MGAM2: variants seen among roughly 807,000 people sequenced by gnomAD.
MGAM2 encodes the protein maltase-glucoamylase 2 (putative).
Under a neutral mutation model 96.1 loss-of-function variants are expected in MGAM2, and 98 were observed. The ratio of observed to expected loss-of-function variants is 1.02; its 90% confidence interval spans 0.87 to 1.21. MGAM2 has a LOEUF of 1.21. Ranked by LOEUF, MGAM2 falls within the 50% of genes most tolerant of loss-of-function variation. The pLI, the probability that MGAM2 is intolerant of heterozygous loss-of-function variation, is 0.00. For synonymous variants in MGAM2, 749 were observed against 414.8 expected (o/e 1.81, Z -9.79); for missense variants, 2,055 against 1,182.4 (o/e 1.74, Z -10.82).
chr7:142,208,506 C>A (rs1459273001), intron 45 of MGAM2, 67 bp from the exon 46 acceptor site: 2 of 695,716 alleles, frequency 2.9e-6, no homozygotes, highest in Non-Finnish European at 5.2e-6. Context: ...TCTGACCACG[C>A]TCAAGATTAT....
chr7:142,197,109 T>C (rs562300325), intron 40 of MGAM2, among the ~76,000 whole-genome samples: 1 of 152,348 alleles, frequency 6.6e-6, no homozygotes, highest in African/African-American at 2.4e-5. Flanking sequence ...ATTTGTATTT[T>C]ACTCAAATTC....
chr7:142,189,302 G>T, intron 36 of MGAM2, 65 bp from the exon 37 acceptor site: 1 of 580,942 alleles, frequency 1.7e-6, no homozygotes, highest in South Asian at 2.1e-5. Context: ...ATGCCAAAAT[G>T]ATGGGCATTT....
chr7:142,159,209 A>C, intron 19 of MGAM2, 78 bp from the exon 20 acceptor site: 1 of 687,040 alleles, frequency 1.5e-6, no homozygotes, highest in Non-Finnish European at 2.7e-6. Context: ...AGATAGGCAC[A>C]TGTAATGATG....
chr7:142,172,086 C>T lies in MGAM2; in HGVS notation c.3352-12C>T, dbSNP rs766308280. ...GCATTTTCTTTTTGTTTATTACCCT[C>T]GTGACTCCCAGTACAAGAAGAATTC... On this transcript the variant is annotated splice_polypyrimidine_tract_variant and intron_variant, in intron 28 of 47. Coordinates refer to ENST00000477922, the MANE Select transcript of MGAM2 (RefSeq NM_001293626.2). 3.4e-5 allele frequency: 24 copies of T among 710,320 alleles called. No individual in the cohort carries two copies. Among genetic ancestry groups the T allele is most frequent in the South Asian group, 4.5e-5 (3 of 66,762 alleles). 44.0% of individuals were successfully genotyped at this position (710,320 alleles called of 1,614,324 possible).
At chr7:142,131,862 T>A in intron 5 of MGAM2, 69 bp from the exon 6 acceptor site, 1 of 638,494 alleles carries the variant, frequency 1.6e-6, no homozygotes, top group South Asian at 1.8e-5. Context: ...AGATGGAACA[T>A]CTTTTGTAGC....
In MGAM2 at chr7:142,221,470, CA is replaced by C. The variant is rs1797925453; in HGVS notation, c.6961del (p.Ser2321ValfsTer33). The C allele has an allele frequency of 6.9e-6, 4 of 575,786 alleles. No homozygotes were observed. Among genetic ancestry groups the C allele is most frequent in the African/African-American group, 1.9e-5 (1 of 53,562 alleles). The allele number at this position is 575,786 out of a possible 1,614,324, so 35.7% of individuals were successfully genotyped here. A position where few individuals can be genotyped will look rare whatever the true frequency, so the allele number is the denominator to read the frequency against. On this transcript the variant is annotated frameshift_variant, in exon 48 of 48. Coordinates refer to ENST00000477922, the MANE Select transcript of MGAM2 (RefSeq NM_001293626.2). LOFTEE classifies it low-confidence loss of function (END_TRUNC). ...SITSILSMFPTSNTFTTDKIT... is the reference protein window; with the variant it reads ...SITSILSMFPXSNTFTTDKIT... ...ACTTCTATTTTGAGCATGTTTCCAA[CA>C]AGTAATACATTCACTACTGATAAAA...
At chr7:142,199,858 C>CTTT (rs1491014586) in intron 44 of MGAM2, 22 bp from the exon 45 acceptor site, 2 of 576,718 alleles carry the variant, frequency 3.5e-6, no homozygotes, top group South Asian at 1.8e-5. Flanking sequence ...AGAAAAATAA[C>CTTT]TCTTTTTTTT....
intron 25 of MGAM2, among the ~76,000 whole-genome samples, 176 bp from the exon 26 acceptor site, chr7:142,167,092 T>C (rs1585180531): frequency 6.6e-6 from 1 of 152,204 alleles, no homozygotes; most frequent in African/African-American, 2.4e-5. Context: ...TACTTCCAAA[T>C]AGTCACATTT....
intron 27 of MGAM2, chr7:142,171,032 C>A: frequency 3.7e-6 from 2 of 539,214 alleles, no homozygotes; most frequent in Non-Finnish European, 6.7e-6. Flanking sequence ...ATGGCCCTTG[C>A]CCACAAGGAC....
chr7:142,165,730 G>A (rs1339496396), intron 24 of MGAM2, among the ~76,000 whole-genome samples: 2 of 152,202 alleles, frequency 1.3e-5, no homozygotes, highest in East Asian at 3.8e-4. Context: ...TGGAGATCAT[G>A]CTTATAAAGT....
At chr7:142,118,729 C>T (rs912285161) in intron 2 of MGAM2, among the ~76,000 whole-genome samples, 1 of 152,024 alleles carries the variant, frequency 6.6e-6, no homozygotes, top group African/African-American at 2.4e-5. Context: ...AAATAAGAGA[C>T]TAAAGAAAAA....
At chr7:142,120,838 G>A (rs927081511) in intron 3 of MGAM2, among the ~76,000 whole-genome samples, 2 of 152,144 alleles carry the variant, frequency 1.3e-5, no homozygotes, top group Non-Finnish European at 2.9e-5. Flanking sequence ...TGTTACAAGA[G>A]CCCTCTGGAT....
At chr7:142,190,990 C>T (rs1796852267) in intron 37 of MGAM2, among the ~76,000 whole-genome samples, 1 of 151,944 alleles carries the variant, frequency 6.6e-6, no homozygotes, top group Admixed American at 6.6e-5. Context: ...AACAAACTAG[C>T]CAGGCAGAAT....
In MGAM2 at chr7:142,116,991, G is replaced by A; in HGVS notation, c.106+12G>A. Reference sequence around the variant, plus strand: ...GGAGGAAACTTCAGGTAAGGGAGATGCTTGTAGGTTGGAAGGCTGGGTAAA... The same window carrying A: ...GGAGGAAACTTCAGGTAAGGGAGATACTTGTAGGTTGGAAGGCTGGGTAAA... On this transcript the variant is annotated intron_variant, in intron 2 of 47. Coordinates refer to ENST00000477922, the MANE Select transcript of MGAM2 (RefSeq NM_001293626.2). 1.4e-6 allele frequency: 1 copy of A among 703,032 alleles called. No individual in the cohort carries two copies. The highest frequency in any genetic ancestry group is 2.0e-5 in the Admixed American group (1 of 50,020). 43.5% of individuals were successfully genotyped at this position (703,032 alleles called of 1,614,324 possible).
Position 142,173,358 on chromosome 7 carries a change from T to G in MGAM2, c.3687+4T>G. 1 of 702,742 alleles carries G rather than the reference T, an allele frequency of 1.4e-6. No individual in the cohort carries two copies. Among genetic ancestry groups the G allele is most frequent in the Non-Finnish European group, 2.6e-6 (1 of 384,760 alleles). 43.5% of individuals were successfully genotyped at this position (702,742 alleles called of 1,614,324 possible). On this transcript the variant is annotated splice_donor_region_variant and intron_variant, in intron 31 of 47. Coordinates refer to ENST00000477922, the MANE Select transcript of MGAM2 (RefSeq NM_001293626.2). Reference sequence around the variant, plus strand: ...GGTGGCAGCCCAGATTCCCTATGTATGAAACCCTCACTCAGCCCAAGGTGT... The same window carrying G: ...GGTGGCAGCCCAGATTCCCTATGTAGGAAACCCTCACTCAGCCCAAGGTGT...
At chr7:142,142,573 C>T (rs1795264869) in intron 12 of MGAM2, among the ~76,000 whole-genome samples, 3 of 136,046 alleles carry the variant, frequency 2.2e-5, no homozygotes, top group Non-Finnish European at 1.5e-5. Context: ...CTCTGTTGCC[C>T]AGGCTAGAGT....
chr7:142,179,765 A>T (rs1585192864), intron 32 of MGAM2, among the ~76,000 whole-genome samples: 1 of 152,080 alleles, frequency 6.6e-6, no homozygotes, highest in East Asian at 1.9e-4. Context: ...TTGGTTTGTT[A>T]GTCTTTTGTT....
At position 142,141,013 on chromosome 7, in the gene MGAM2, T is replaced by C; in HGVS notation, c.1219-8T>C. On this transcript the variant is annotated splice_region_variant and splice_polypyrimidine_tract_variant and intron_variant, in intron 11 of 47. Coordinates refer to ENST00000477922, the MANE Select transcript of MGAM2 (RefSeq NM_001293626.2). ...GAAAATAATATTTATATCGTATTTCTTTATTAGAATCCTGGCATCTCCAAA... is the reference window on the plus strand; with the variant it reads ...GAAAATAATATTTATATCGTATTTCCTTATTAGAATCCTGGCATCTCCAAA... The C allele has an allele frequency of 1.4e-6, 1 of 694,718 alleles. No individual in the cohort carries two copies. The highest frequency in any genetic ancestry group is 2.6e-6 in the Non-Finnish European group (1 of 382,922). 43.0% of individuals were successfully genotyped at this position (694,718 alleles called of 1,614,324 possible).
intron 35 of MGAM2, among the ~76,000 whole-genome samples, chr7:142,187,411 T>C (rs1419622224): frequency 6.6e-6 from 1 of 152,026 alleles, no homozygotes; most frequent in African/African-American, 2.4e-5. Context: ...TCAAGGGGAG[T>C]TGTATCAAGA....
Sources: allele counts gnomAD v4.1 joint callset (sites outside exome capture counted in the v4.1 genomes callset), GRCh38; gene constraint gnomAD v4.1.1; transcripts MANE v1.5; gene names NCBI Gene and HGNC (gene_info 2026-07-23, HGNC 2026-07-21).